The following ITPR1 variants were observed in gnomAD, a reference collection of about 807,000 sequenced individuals.
ITPR1 encodes inositol 1,4,5-trisphosphate-gated calcium channel ITPR1.
A neutral mutation model predicts 318.4 loss-of-function variants in ITPR1; 96 were observed. That is an observed-to-expected ratio of 0.30 (90% CI 0.26 to 0.36). ITPR1 has a LOEUF of 0.36. Ranked by LOEUF, ITPR1 falls within the 10% of genes least tolerant of loss-of-function variation. The pLI, the probability that ITPR1 is intolerant of heterozygous loss-of-function variation, is 1.00. For synonymous variants in ITPR1, 1,312 were observed against 1,289.9 expected, an observed-to-expected ratio of 1.02 and a Z score of -0.37; for missense variants, 2,440 against 3,460.2, an observed-to-expected ratio of 0.71 and a Z score of 7.40.
intron 31 of ITPR1, among the ~76,000 whole-genome samples, chr3:4,690,776 A>T (rs2125244932): frequency 6.6e-6 from 1 of 152,362 alleles, no homozygotes; most frequent in African/African-American, 2.4e-5. Context: ...AGTGAAAAAG[A>T]GTGCAAGAGG....
At chr3:4,732,122 T>A (rs1044894423) in intron 42 of ITPR1, among the ~76,000 whole-genome samples, 1 of 151,960 alleles carries the variant, frequency 6.6e-6, no homozygotes, top group Non-Finnish European at 1.5e-5. Context: ...CCCTTAGGAG[T>A]GCGGGTGAAA....
chr3:4,815,238 T>C lies in ITPR1; in HGVS notation c.7867+20T>C. ...TCTGTGGTGAGTGTCGCTGGCCAGC[T>C]CCAGCAAGGGCGTGAAGGCCCAGCG... is the stretch of plus-strand genomic sequence containing the variant. On this transcript the variant is annotated intron_variant, in intron 59 of 61. Coordinates refer to ENST00000649015, the MANE Select transcript of ITPR1 (RefSeq NM_001378452.1). 1 of 1,612,688 alleles carries C rather than the reference T, an allele frequency of 6.2e-7. No individual in the cohort carries two copies. The highest frequency in any genetic ancestry group is 1.3e-5 in the African/African-American group (1 of 75,014).
intron 23 of ITPR1, 95 bp from the exon 24 acceptor site, chr3:4,676,519 A>T: frequency 1.2e-6 from 1 of 858,248 alleles, no homozygotes; most frequent in Non-Finnish European, 1.8e-6. Context: ...GGGATATGTT[A>T]AATAATTTCT....
chr3:4,801,450 G>T (rs2048225575), intron 54 of ITPR1, among the ~76,000 whole-genome samples: 1 of 152,122 alleles, frequency 6.6e-6, no homozygotes, highest in Non-Finnish European at 1.5e-5. Context: ...CGGGGAGGAG[G>T]CAGGATGGAA....
At chr3:4,558,849 T>C (rs1260716666) in intron 4 of ITPR1, among the ~76,000 whole-genome samples, 1 of 151,586 alleles carries the variant, frequency 6.6e-6, no homozygotes, top group Non-Finnish European at 1.5e-5. Context: ...TTTTTGCTGG[T>C]ATCTTAAAAA....
intron 44 of ITPR1, among the ~76,000 whole-genome samples, chr3:4,753,070 A>T (rs1170519790): frequency 6.6e-6 from 1 of 152,208 alleles, no homozygotes; most frequent in Non-Finnish European, 1.5e-5. Context: ...AGATGCGAAG[A>T]GAAGGAGCTG....
chr3:4,816,037 A>G (rs1412590498), intron 59 of ITPR1: 1 of 152,016 alleles, frequency 6.6e-6, no homozygotes, highest in Non-Finnish European at 1.5e-5. Flanking sequence ...TGAGTGGCTG[A>G]CAGTGATGCT....
At chr3:4,654,539 C>T (rs1310583538) in intron 12 of ITPR1, among the ~76,000 whole-genome samples, 1 of 152,162 alleles carries the variant, frequency 6.6e-6, no homozygotes, top group African/African-American at 2.4e-5. Flanking sequence ...GGTTGTGTTA[C>T]ATGGAAAGGG....
chr3:4,710,259 A>G lies in ITPR1; in HGVS notation c.4843-66A>G, dbSNP rs192585081. ...CATCAGTGTTTTAGGGCAGAAATCAATGTCCTCACCCTCCTGTGGTCAGCG... is the reference window on the plus strand; with the variant it reads ...CATCAGTGTTTTAGGGCAGAAATCAGTGTCCTCACCCTCCTGTGGTCAGCG... On this transcript the variant is annotated intron_variant, in intron 37 of 61. Coordinates refer to ENST00000649015, the MANE Select transcript of ITPR1 (RefSeq NM_001378452.1). This position sits in a 1 kb window ranked among gnomAD's most constrained non-coding sequence, Gnocchi z 4.2. 115 of 1,405,878 alleles carry G rather than the reference A, an allele frequency of 8.2e-5. 1 individual carries two copies. In the East Asian group the frequency reaches 1.7e-3, roughly 21 times the overall value. 87.1% of individuals were successfully genotyped at this position (1,405,878 alleles called of 1,614,324 possible).
chr3:4,655,849 C>T (rs1045877032), intron 12 of ITPR1, among the ~76,000 whole-genome samples: 3 of 152,128 alleles, frequency 2.0e-5, no homozygotes, highest in Non-Finnish European at 4.4e-5. Context: ...GGGATCTTAC[C>T]CGACGCCCAC....
chr3:4,566,604 G>GCACGCACACACACACACACACACA (rs1553626571), intron 4 of ITPR1, among the ~76,000 whole-genome samples: 1 of 140,898 alleles, frequency 7.1e-6, no homozygotes, highest in African/African-American at 2.7e-5. Flanking sequence ...GGGGACACAT[G>GCACGCACACACACACACACACACA]CACACACACA....
chr3:4,567,903 C>T (rs2087526969), intron 4 of ITPR1, among the ~76,000 whole-genome samples: 1 of 152,192 alleles, frequency 6.6e-6, no homozygotes, highest in African/African-American at 2.4e-5. Flanking sequence ...CGTGCCCCAC[C>T]TTGAGCTAGT....
At chr3:4,800,310 G>A in intron 53 of ITPR1, 115 bp from the exon 54 acceptor site, 1 of 1,027,976 alleles carries the variant, frequency 9.7e-7, no homozygotes, top group Non-Finnish European at 1.4e-6. Context: ...GTGAGAGTTG[G>A]GACTGGTAAG....
At chr3:4,521,401 T>C (rs1211746079) in intron 4 of ITPR1, among the ~76,000 whole-genome samples, 1 of 152,202 alleles carries the variant, frequency 6.6e-6, no homozygotes, top group Non-Finnish European at 1.5e-5. Context: ...ATGGATCCAG[T>C]CACAGGGAAC....
chr3:4,725,684 C>T (rs536712941), intron 41 of ITPR1, 103 bp downstream of exon 41: 146 of 1,031,174 alleles, frequency 1.4e-4, no homozygotes, highest in Non-Finnish European at 1.9e-4. Flanking sequence ...AAGTCTCTCC[C>T]GGTGGTAGAT....
At chr3:4,558,065 G>T (rs1466367307) in intron 4 of ITPR1, among the ~76,000 whole-genome samples, 2 of 152,138 alleles carry the variant, frequency 1.3e-5, no homozygotes, top group Non-Finnish European at 2.9e-5. Context: ...TCTCAAACCG[G>T]CCAACTTCTC....
intron 26 of ITPR1, among the ~76,000 whole-genome samples, chr3:4,682,572 G>A (rs961285817): frequency 4.6e-5 from 7 of 152,188 alleles, no homozygotes; most frequent in African/African-American, 1.7e-4. Flanking sequence ...TATGTACTAT[G>A]ATGGAAGATG....
rs2093617829 is a variant in ITPR1, at chr3:4,652,463, GC to G, written c.951+247del. On this transcript the variant is annotated intron_variant, in intron 11 of 61. Transcript: ENST00000649015. ...GGGAGAAAGTAAGTTAGAAGATCATGCCGATCTAGGTTTTCGGTATTATTTT... is the reference window on the plus strand; with the variant it reads ...GGGAGAAAGTAAGTTAGAAGATCATGCGATCTAGGTTTTCGGTATTATTTT... 1.3e-5 allele frequency among the ~76,000 whole-genome samples: 2 copies of G among 152,152 alleles called. 1 individual carries two copies. The highest frequency in any genetic ancestry group is 2.9e-5 in the Non-Finnish European group (2 of 68,030).
At chr3:4,611,040 T>TCCCA (rs1375166726) in intron 4 of ITPR1, among the ~76,000 whole-genome samples, 1 of 24,916 alleles carries the variant, frequency 4.0e-5, no homozygotes, top group East Asian at 1.5e-3. Flanking sequence ...CCTCCCTCCC[T>TCCCA]CCCTCCCTCC....
Sources: allele counts gnomAD v4.1 joint callset (sites outside exome capture counted in the v4.1 genomes callset), GRCh38; gene constraint gnomAD v4.1.1; non-coding constraint Gnocchi (gnomAD v3.1); transcripts MANE v1.5; gene names NCBI Gene and HGNC (gene_info 2026-07-23, HGNC 2026-07-21).